The following CAST variants were observed in gnomAD, a reference collection of about 807,000 sequenced individuals.
The protein encoded by CAST is MIR583 host.
A neutral mutation model predicts 119.6 loss-of-function variants in CAST; 76 were observed. That is an observed-to-expected ratio of 0.64 (90% CI 0.53 to 0.77). CAST has a LOEUF of 0.77. Ranked by LOEUF, CAST falls within the 30% of genes least tolerant of loss-of-function variation. The pLI, the probability that CAST is intolerant of heterozygous loss-of-function variation, is 0.00. For synonymous variants in CAST, 319 were observed against 331.6 expected, an observed-to-expected ratio of 0.96 and a Z score of 0.41; for missense variants, 953 against 946.5, an observed-to-expected ratio of 1.01 and a Z score of -0.09.
At chr5:96,109,977 C>T in the CAST span, among the ~76,000 whole-genome samples, 5 of 151,310 alleles carry the variant, frequency 3.3e-5, no homozygotes, top group Non-Finnish European at 4.4e-5. Flanking sequence ...TAGAAGAAAT[C>T]GAGTGGAAAT....
At chr5:96,075,468 A>G in the CAST span, among the ~76,000 whole-genome samples, 1 of 152,168 alleles carries the variant, frequency 6.6e-6, no homozygotes, top group Non-Finnish European at 1.5e-5. Flanking sequence ...CTGGCTTATC[A>G]ATAATTATGT....
chr5:96,367,970 C>A, the CAST span, among the ~76,000 whole-genome samples: 2 of 152,038 alleles, frequency 1.3e-5, no homozygotes, highest in Non-Finnish European at 2.9e-5. Flanking sequence ...TGAAATCGCC[C>A]CCTCTAGTAC....
At chr5:96,229,345 C>A in the CAST span, among the ~76,000 whole-genome samples, 4 of 151,642 alleles carry the variant, frequency 2.6e-5, no homozygotes, top group Non-Finnish European at 5.9e-5. Flanking sequence ...CACGCTTCAG[C>A]AGTGTTATGA....
the CAST span, among the ~76,000 whole-genome samples, chr5:96,301,457 A>G: frequency 1.3e-5 from 2 of 152,008 alleles, no homozygotes; most frequent in Non-Finnish European, 2.9e-5. Context: ...CAAAGTCTTA[A>G]CTCATTCCAT....
At chr5:96,326,041 C>G in the CAST span, among the ~76,000 whole-genome samples, 1 of 152,186 alleles carries the variant, frequency 6.6e-6, no homozygotes, top group Non-Finnish European at 1.5e-5. Flanking sequence ...CCAACTTGCT[C>G]GTTCAGTCAT....
chr5:96,270,202 CA>C, the CAST span, among the ~76,000 whole-genome samples: 1 of 151,948 alleles, frequency 6.6e-6, no homozygotes, highest in African/African-American at 2.4e-5. Flanking sequence ...CCCTCTATGA[CA>C]AAAACCCCCA....
the CAST span, among the ~76,000 whole-genome samples, chr5:96,158,848 G>A: frequency 3.3e-5 from 5 of 152,150 alleles, no homozygotes; most frequent in Non-Finnish European, 5.9e-5. Flanking sequence ...CCCTTGGTAA[G>A]AAGAATATAG....
At chr5:96,513,627 G>A in the CAST span, among the ~76,000 whole-genome samples, 1 of 152,192 alleles carries the variant, frequency 6.6e-6, no homozygotes, top group African/African-American at 2.4e-5. Context: ...TGCTACCTCT[G>A]GAGAAGATGG....
the CAST span, chr5:96,416,082 T>C: frequency 6.2e-7 from 1 of 1,613,448 alleles, no homozygotes; most frequent in South Asian, 1.1e-5. Context: ...TGTGATTATT[T>C]GCTTGCATGG....
At chr5:96,623,862 AT>A (rs201861206) in intron 1 of CAST, among the ~76,000 whole-genome samples, 16 of 148,316 alleles carry the variant, frequency 1.1e-4, no homozygotes, top group South Asian at 2.1e-4. Context: ...ACACCTGGCT[AT>A]TTTTTTTTTA....
chr5:96,429,116 A>G, the CAST span: 1 of 729,886 alleles, frequency 1.4e-6, no homozygotes, highest in Admixed American at 2.3e-5. Flanking sequence ...CAATAAAAAA[A>G]AAACCACATT....
the CAST span, among the ~76,000 whole-genome samples, chr5:96,245,735 T>A: frequency 1.3e-5 from 2 of 152,164 alleles, no homozygotes; most frequent in East Asian, 3.8e-4. Flanking sequence ...TCAAATCCAT[T>A]ACTGATGATT....
Position 96,617,395 on chromosome 5 carries a change from TA to T in CAST, c.61-58141del, listed in dbSNP as rs566133700. 2.1e-3 allele frequency among the ~76,000 whole-genome samples: 323 copies of T among 152,300 alleles called. 2 individuals carry two copies. The highest frequency in any genetic ancestry group is 7.6e-3 in the African/African-American group (314 of 41,556). On this transcript the variant is annotated intron_variant, in intron 1 of 11. Coordinates refer to the CAST transcript ENST00000505143. The stretch of plus-strand genomic sequence containing the variant: ...ACAAAATGCCATTGTCATCATTTAC[TA>T]AAGGACAAGCTAAAAAAAGAAAGGG...
At chr5:96,583,308 A>G (rs1050026740) in intron 1 of CAST, among the ~76,000 whole-genome samples, 2 of 151,502 alleles carry the variant, frequency 1.3e-5, no homozygotes, top group African/African-American at 4.9e-5. Context: ...GTTTAATATG[A>G]TTACTTGCTT....
the CAST span, among the ~76,000 whole-genome samples, chr5:96,304,241 C>A: frequency 6.6e-6 from 1 of 152,080 alleles, no homozygotes; most frequent in Non-Finnish European, 1.5e-5. Context: ...GCCACATAAA[C>A]GTCTTCTTTT....
the CAST span, among the ~76,000 whole-genome samples, chr5:96,344,068 C>G: frequency 6.6e-6 from 1 of 152,170 alleles, no homozygotes; most frequent in Non-Finnish European, 1.5e-5. Context: ...CCCTTGTGAC[C>G]TTGATAGAAC....
chr5:96,473,291 C>A, the CAST span, among the ~76,000 whole-genome samples: 2 of 152,118 alleles, frequency 1.3e-5, no homozygotes, highest in African/African-American at 4.8e-5. Flanking sequence ...TGAGTGATAA[C>A]GTGTTTTCAC....
At chr5:96,368,564 G>A in the CAST span, among the ~76,000 whole-genome samples, 1 of 151,276 alleles carries the variant, frequency 6.6e-6, no homozygotes, top group Non-Finnish European at 1.5e-5. Context: ...GTAAATCTCA[G>A]ACACATTCAG....
chr5:96,006,784 A>C, the CAST span, among the ~76,000 whole-genome samples: 1 of 152,332 alleles, frequency 6.6e-6, no homozygotes, highest in South Asian at 2.1e-4. Flanking sequence ...AGCATGTTTT[A>C]AGCAGGATTA....
Sources: gnomAD v4.1 joint callset for allele counts (sites outside exome capture counted in the v4.1 genomes callset) on GRCh38, gnomAD v4.1.1 for gene constraint, MANE v1.5 for transcripts, NCBI Gene and HGNC (gene_info 2026-07-23, HGNC 2026-07-21) for gene names.